The following ARHGEF3 variants were observed in gnomAD, a reference collection of about 807,000 sequenced individuals.
ARHGEF3 encodes 59.8 kDA protein.
Under a neutral mutation model 63.2 loss-of-function variants are expected in ARHGEF3, and 28 were observed. That is an observed-to-expected ratio of 0.44 (90% CI 0.33 to 0.61). The LOEUF is 0.61. Ranked by LOEUF, ARHGEF3 falls within the 20% of genes least tolerant of loss-of-function variation. The pLI, the probability that ARHGEF3 is intolerant of heterozygous loss-of-function variation, is 0.03. For synonymous variants in ARHGEF3, 266 were observed against 254.2 expected (o/e 1.05, Z -0.44); for missense variants, 533 against 659.3 (o/e 0.81, Z 2.10).
At chr3:56,756,612 C>G (rs538012868) in intron 2 of ARHGEF3, among the ~76,000 whole-genome samples, 1 of 137,444 alleles carries the variant, frequency 7.3e-6, no homozygotes, top group African/African-American at 2.8e-5. Flanking sequence ...TACAGTGGTG[C>G]GATCTCGGCT....
chr3:56,873,219 G>T (rs1578730648), intron 4 of ARHGEF3, among the ~76,000 whole-genome samples: 1 of 49,672 alleles, frequency 2.0e-5, no homozygotes, highest in African/African-American at 6.6e-5. Context: ...TTTGTGCTAT[G>T]TTTGTTTTTT....
At chr3:57,078,545 A>C (rs926411564) in intron 1 of ARHGEF3, 1 of 152,304 alleles carries the variant, frequency 6.6e-6, no homozygotes, top group African/African-American at 2.4e-5. Flanking sequence ...GAAAACGCTC[A>C]CCCGTCTCTG....
At chr3:56,795,653 C>CTTTTTT (rs1324495358) in intron 1 of ARHGEF3, among the ~76,000 whole-genome samples, 92 of 69,248 alleles carry the variant, frequency 1.3e-3, no homozygotes, top group African/African-American at 7.6e-3. Context: ...CAGTCTCTCT[C>CTTTTTT]TCTTTTTTTT....
At chr3:56,996,723 C>T (rs930069251) in intron 2 of ARHGEF3, among the ~76,000 whole-genome samples, 53 of 152,182 alleles carry the variant, frequency 3.5e-4, no homozygotes, top group African/African-American at 1.1e-3. Flanking sequence ...CAGCAAGGCC[C>T]CGTATCTCTT....
At chr3:57,002,733 T>C (rs1020110678) in intron 2 of ARHGEF3, among the ~76,000 whole-genome samples, 5 of 149,140 alleles carry the variant, frequency 3.4e-5, no homozygotes, top group African/African-American at 1.2e-4. Context: ...GCACTTCATA[T>C]ATTATTTCAA....
intron 3 of ARHGEF3, among the ~76,000 whole-genome samples, chr3:56,948,867 C>T: frequency 6.6e-6 from 1 of 151,934 alleles, no homozygotes; most frequent in Non-Finnish European, 1.5e-5. Flanking sequence ...AACATCGATG[C>T]AAATATCCTC....
intron 3 of ARHGEF3, chr3:56,916,439 T>C: frequency 7.0e-7 from 1 of 1,437,212 alleles, no homozygotes; most frequent in Non-Finnish European, 9.1e-7. Flanking sequence ...ATAGTTTCCC[T>C]GAAGGAACTC....
chr3:56,755,891 A>G (rs941890761), intron 2 of ARHGEF3, among the ~76,000 whole-genome samples: 1 of 152,324 alleles, frequency 6.6e-6, no homozygotes, highest in East Asian at 1.9e-4. Context: ...AAGCTTTACC[A>G]ATACTGCTTG....
intron 1 of ARHGEF3, among the ~76,000 whole-genome samples, chr3:57,065,133 C>T (rs2107365776): frequency 6.6e-6 from 1 of 152,256 alleles, no homozygotes; most frequent in South Asian, 2.1e-4. Flanking sequence ...GGGACCAATC[C>T]AGTAGGCCAT....
At chr3:56,894,692 G>A (rs1042571862) in intron 3 of ARHGEF3, among the ~76,000 whole-genome samples, 1 of 152,068 alleles carries the variant, frequency 6.6e-6, no homozygotes, top group African/African-American at 2.4e-5. Flanking sequence ...TGGGCAAATG[G>A]GTTCATTTGT....
At chr3:56,802,149 C>T (rs1279322075), upstream of ARHGEF3, among the ~76,000 whole-genome samples, 1 of 152,202 alleles carries the variant, frequency 6.6e-6, no homozygotes, top group Non-Finnish European at 1.5e-5. Context: ...TATTCGACTC[C>T]GGGCGCCCCC....
chr3:56,858,243 C>CAAAA (rs10543472), intron 4 of ARHGEF3, among the ~76,000 whole-genome samples: 1 of 88,104 alleles, frequency 1.1e-5, no homozygotes, highest in Admixed American at 1.3e-4. Flanking sequence ...GACCCTGTCT[C>CAAAA]AAAAAAAAAA....
intron 3 of ARHGEF3, among the ~76,000 whole-genome samples, chr3:56,893,736 G>C (rs1370563090): frequency 7.0e-6 from 1 of 143,822 alleles, no homozygotes; most frequent in Non-Finnish European, 1.5e-5. Context: ...AGCCTGGGAA[G>C]CAGGGGTTGC....
At chr3:57,069,227 T>C (rs533333551) in intron 1 of ARHGEF3, among the ~76,000 whole-genome samples, 31 of 152,306 alleles carry the variant, frequency 2.0e-4, no homozygotes, top group African/African-American at 7.5e-4. Context: ...GGCCTAGATC[T>C]GAGATTTTGA....
chr3:57,040,375 G>A (rs1704129527), intron 1 of ARHGEF3, among the ~76,000 whole-genome samples: 1 of 152,086 alleles, frequency 6.6e-6, no homozygotes, highest in African/African-American at 2.4e-5. Flanking sequence ...TACTCTGGAG[G>A]CTGAGGCAGG....
chr3:56,957,069 C>G (rs1412926430), intron 3 of ARHGEF3, among the ~76,000 whole-genome samples: 1 of 152,160 alleles, frequency 6.6e-6, no homozygotes, highest in African/African-American at 2.4e-5. Context: ...CCACACAAGC[C>G]TTTTGTACTT....
At chr3:57,075,715 T>C (rs1446630932) in intron 1 of ARHGEF3, among the ~76,000 whole-genome samples, 1 of 152,044 alleles carries the variant, frequency 6.6e-6, no homozygotes, top group African/African-American at 2.4e-5. Context: ...GAGGCTGAGG[T>C]GGGAGGATTG....
intron 1 of ARHGEF3, among the ~76,000 whole-genome samples, chr3:57,077,111 A>G (rs1465503220): frequency 6.6e-6 from 1 of 152,166 alleles, no homozygotes; most frequent in Non-Finnish European, 1.5e-5. Flanking sequence ...AGGCCCTGAG[A>G]AGTCTTCTGA....
chr3:56,855,274 T>C, intron 4 of ARHGEF3, among the ~76,000 whole-genome samples: 1 of 152,060 alleles, frequency 6.6e-6, no homozygotes, highest in Non-Finnish European at 1.5e-5. Flanking sequence ...TATCTGGAGG[T>C]CTTTTCTCAA....
Sources: allele counts gnomAD v4.1 joint callset (sites outside exome capture counted in the v4.1 genomes callset), GRCh38; gene constraint gnomAD v4.1.1; transcripts MANE v1.5; gene names NCBI Gene and HGNC (gene_info 2026-07-23, HGNC 2026-07-21).